Variants in KIF26B observed in about 807,000 individuals in gnomAD.
KIF26B encodes the protein kinesin-like protein KIF26B.
Under a neutral mutation model 151.2 loss-of-function variants are expected in KIF26B, and 63 were observed. The observed-to-expected ratio is 0.42, with a 90% CI of 0.34 to 0.51. The LOEUF (loss-of-function observed/expected upper bound fraction) is 0.51, where lower values mean the gene tolerates loss of function less well. Among genes scored for constraint, KIF26B ranks in the 20% least tolerant of loss-of-function variants. The probability of loss-of-function intolerance (pLI) is 0.07; values close to 1 mark genes in which losing one functional copy is unlikely to be tolerated. For missense variants in KIF26B, 2,813 were observed against 2,913.6 expected (o/e 0.97, Z 0.79); for synonymous variants, 1,357 against 1,262.1 (o/e 1.08, Z -1.59).
intron 3 of KIF26B, among the ~76,000 whole-genome samples, chr1:245,369,383 C>T (rs749013638): frequency 5.9e-5 from 9 of 152,140 alleles, no homozygotes; most frequent in African/African-American, 1.4e-4. Context: ...GATAAAATGC[C>T]GGGTGACTTT....
intron 2 of KIF26B, 120 bp downstream of exon 2, chr1:245,156,803 G>A: frequency 1.8e-6 from 1 of 569,472 alleles, no homozygotes; most frequent in Non-Finnish European, 2.7e-6. Flanking sequence ...AGCCCCCGGC[G>A]GCGCTGGGGA....
intron 2 of KIF26B, among the ~76,000 whole-genome samples, chr1:245,173,602 C>T (rs78369889): frequency 4.6e-5 from 7 of 152,270 alleles, no homozygotes; most frequent in Non-Finnish European, 8.8e-5. Context: ...TGCCTGGAGA[C>T]GCGGGCCGGG....
chr1:245,159,862 G>T (rs116338253), intron 2 of KIF26B, among the ~76,000 whole-genome samples: 4 of 152,178 alleles, frequency 2.6e-5, no homozygotes, highest in African/African-American at 7.2e-5. Flanking sequence ...CTCCAATGGA[G>T]GATAGGGCTT....
intron 3 of KIF26B, among the ~76,000 whole-genome samples, chr1:245,407,275 C>G (rs2103029868): frequency 6.6e-6 from 1 of 152,282 alleles, no homozygotes; most frequent in East Asian, 1.9e-4. Flanking sequence ...TTGGTTTCTC[C>G]TCTCCTGGAA....
chr1:245,304,620 G>A (rs1309063893), intron 2 of KIF26B, among the ~76,000 whole-genome samples: 1 of 152,062 alleles, frequency 6.6e-6, no homozygotes, highest in Non-Finnish European at 1.5e-5. Context: ...GCCTAATACT[G>A]CAAGCCTTTC....
At chr1:245,325,772 C>T (rs760998703) in intron 2 of KIF26B, among the ~76,000 whole-genome samples, 4 of 151,832 alleles carry the variant, frequency 2.6e-5, no homozygotes, top group Non-Finnish European at 4.4e-5. Context: ...GGAATAGGAA[C>T]GTCAATTCAA....
intron 4 of KIF26B, among the ~76,000 whole-genome samples, chr1:245,431,709 C>T (rs1658785703): frequency 6.6e-6 from 1 of 152,144 alleles, no homozygotes; most frequent in South Asian, 2.1e-4. Context: ...GAACTCCTGA[C>T]CTTGTGTTCC....
chr1:245,651,252 A>G (rs1041675832), intron 10 of KIF26B, among the ~76,000 whole-genome samples: 3 of 152,230 alleles, frequency 2.0e-5, no homozygotes, highest in Non-Finnish European at 2.9e-5. Flanking sequence ...AGGCAGCACT[A>G]GAAGCTCAAG....
At position 245,688,230 on chromosome 1, in the gene KIF26B, C is replaced by T. The variant is rs1341659935; in HGVS notation, c.5247C>T (p.Ser1749=). Residue 1749 remains serine, a synonymous_variant, in exon 12 of 15, where the codon TCC becomes TCT. Transcript: ENST00000407071. Reference sequence around the variant, plus strand: ...CCAGCCCCAGAGCGCGCGGCCCGTCCGCCTCCACCACCAAAACCCTCAGCT... The same window carrying T: ...CCAGCCCCAGAGCGCGCGGCCCGTCTGCCTCCACCACCAAAACCCTCAGCT... ...LLASPRARGP[S]ASTTKTLSFS... The T allele has an allele frequency of 1.3e-6, 2 of 1,587,850 alleles. No individual in the cohort carries two copies. The highest frequency in any genetic ancestry group is 2.2e-5 in the East Asian group (1 of 44,488).
intron 2 of KIF26B, among the ~76,000 whole-genome samples, chr1:245,300,269 C>G (rs74153519): frequency 0.048 from 7,278 of 152,188 alleles, 300 homozygotes; most frequent in African/African-American, 0.11. Context: ...GATTTCTTCA[C>G]CTGTGTGTTT....
rs554708094 is a variant in KIF26B at position 245,564,448 on chromosome 1, C to T, written c.1350+23498C>T. 2.5e-4 allele frequency among the ~76,000 whole-genome samples: 38 copies of T among 152,256 alleles called. No individual in the cohort carries two copies. The East Asian group carries it at 7.1e-3, about 29-fold the overall frequency. On this transcript the variant is annotated intron_variant, in intron 5 of 14. Coordinates refer to ENST00000407071, the MANE Select transcript of KIF26B (RefSeq NM_018012.4). The surrounding 1 kb of genome is among the most constrained non-coding windows in gnomAD (Gnocchi z 4.6). ...TGGTGCCACTGTGGTTTGTTCTCCC[C>T]GTTCAAGTGTTGCTGACTGGTGGGG...
intron 10 of KIF26B, among the ~76,000 whole-genome samples, chr1:245,675,528 T>G (rs2044347484): frequency 6.6e-6 from 1 of 152,170 alleles, no homozygotes; most frequent in Non-Finnish European, 1.5e-5. Flanking sequence ...GCCACATCTA[T>G]CTTTGGGAAA....
At chr1:245,628,964 CAG>C (rs1336601852) in intron 9 of KIF26B, among the ~76,000 whole-genome samples, 2 of 152,146 alleles carry the variant, frequency 1.3e-5, no homozygotes, top group African/African-American at 4.8e-5. Context: ...AACAGACAAA[CAG>C]AGAGCCAAAT....
intron 9 of KIF26B, 47 bp from the exon 10 acceptor site, chr1:245,646,074 T>C: frequency 6.3e-7 from 1 of 1,591,360 alleles, no homozygotes; most frequent in Non-Finnish European, 8.6e-7. Context: ...CAGATGAGTG[T>C]TTGTCAGAAC....
intron 2 of KIF26B, among the ~76,000 whole-genome samples, chr1:245,364,755 G>T (rs1024525254): frequency 6.6e-6 from 1 of 152,088 alleles, no homozygotes; most frequent in East Asian, 1.9e-4. Flanking sequence ...CCTTTCTGTG[G>T]CACCTCTTCC....
intron 12 of KIF26B, among the ~76,000 whole-genome samples, chr1:245,689,804 C>G (rs1050360397): frequency 6.6e-6 from 1 of 152,250 alleles, no homozygotes; most frequent in East Asian, 1.9e-4. Context: ...GTGATCCGCC[C>G]GTCTCAGCCT....
chr1:245,287,782 C>A (rs910824763), intron 2 of KIF26B, among the ~76,000 whole-genome samples: 10 of 152,110 alleles, frequency 6.6e-5, no homozygotes, highest in Admixed American at 6.5e-5. Flanking sequence ...GGATTACAGG[C>A]GTGAGGCACC....
chr1:245,417,301 C>CT (rs56700575), intron 3 of KIF26B, among the ~76,000 whole-genome samples: 8 of 150,688 alleles, frequency 5.3e-5, no homozygotes, highest in Admixed American at 2.0e-4. Context: ...AAGGGGAAGA[C>CT]TTTTTTTTTT....
At chr1:245,326,731 G>A (rs149982627) in intron 2 of KIF26B, among the ~76,000 whole-genome samples, 186 of 152,288 alleles carry the variant, frequency 1.2e-3, no homozygotes, top group African/African-American at 4.3e-3. Context: ...TTTGGTTTCC[G>A]CAGACTTAGC....
Sources: allele counts gnomAD v4.1 joint callset (sites outside exome capture counted in the v4.1 genomes callset), GRCh38; gene constraint gnomAD v4.1.1; non-coding constraint Gnocchi (gnomAD v3.1); transcripts MANE v1.5; gene names NCBI Gene and HGNC (gene_info 2026-07-23, HGNC 2026-07-21).